RFXANK: variants seen among roughly 807,000 people sequenced by gnomAD.
The protein encoded by RFXANK is DNA-binding protein RFXANK.
Under a neutral mutation model 34.5 loss-of-function variants are expected in RFXANK, and 19 were observed. That is an observed-to-expected ratio of 0.55 (90% CI 0.38 to 0.81). The LOEUF is 0.81. Ranked by LOEUF, RFXANK falls within the 30% of genes least tolerant of loss-of-function variation. The pLI is 0.00. For missense variants in RFXANK, 295 were observed against 343.5 expected, an observed-to-expected ratio of 0.86 and a Z score of 1.12; for synonymous variants, 154 against 149.8, an observed-to-expected ratio of 1.03 and a Z score of -0.20.
rs553673273 is a variant in RFXANK, at chr19:19,196,101, T to C, written c.188-862T>C. Among the ~76,000 whole-genome samples, 176 of 152,278 alleles carry C rather than the reference T, an allele frequency of 1.2e-3. 1 individual carries two copies. The highest frequency in any genetic ancestry group is 3.4e-3 in the Middle Eastern group (1 of 294). On this transcript the variant is annotated intron_variant, in intron 3 of 9. Transcript: ENST00000303088. The stretch of plus-strand genomic sequence containing the variant: ...TTTTTTATTATTTCTCTATGTCTGA[T>C]GCACCTACTTGACCCCCGACTCCCT...
intron 3 of RFXANK, among the ~76,000 whole-genome samples, chr19:19,194,441 G>A (rs2060560808): frequency 1.3e-5 from 2 of 152,106 alleles, no homozygotes; most frequent in African/African-American, 2.4e-5. Context: ...TCACCATGTT[G>A]GCCAGGCTGG....
chr19:19,194,036 G>A lies in RFXANK; in HGVS notation c.90G>A (p.Glu30=). 6.2e-7 allele frequency: 1 copy of A among 1,614,210 alleles called. No individual in the cohort carries two copies. ...ELGDPEDPGE[E]AADGSDTVVL... ...GGGACCCTGAAGACCCCGGAGAGGA[G>A]GCTGCAGATGGCTCAGACACTGTGG... Residue 30 remains glutamate, a synonymous_variant, in exon 3 of 10, where the codon GAG becomes GAA. Coordinates refer to ENST00000303088, the MANE Select transcript of RFXANK (RefSeq NM_003721.4).
intron 3 of RFXANK, among the ~76,000 whole-genome samples, chr19:19,194,856 G>T (rs1377199750): frequency 6.6e-6 from 1 of 152,020 alleles, no homozygotes; most frequent in Non-Finnish European, 1.5e-5. Flanking sequence ...AAATTACTGG[G>T]TCAGATGGTC....
At chr19:19,201,524 C>G (rs1295535841) in intron 9 of RFXANK, 125 bp from the exon 10 acceptor site, 4 of 1,602,332 alleles carry the variant, frequency 2.5e-6, no homozygotes, top group Non-Finnish European at 3.4e-6. Flanking sequence ...CCCAGCTTTG[C>G]TCTGTAATGC....
intron 5 of RFXANK, 72 bp downstream of exon 5, chr19:19,197,323 T>A: frequency 6.7e-7 from 1 of 1,481,566 alleles, no homozygotes; most frequent in Non-Finnish European, 9.4e-7. Context: ...CCATACCCAC[T>A]CATGACGTGA....
chr19:19,195,000 T>C (rs1201703970), intron 3 of RFXANK, among the ~76,000 whole-genome samples: 2 of 151,938 alleles, frequency 1.3e-5, no homozygotes, highest in Non-Finnish European at 2.9e-5. Flanking sequence ...CTTCTTCCTA[T>C]AGCTGACTCC....
intron 9 of RFXANK, among the ~76,000 whole-genome samples, chr19:19,200,579 T>C (rs1314939427): frequency 6.6e-6 from 1 of 151,992 alleles, no homozygotes; most frequent in Admixed American, 6.6e-5. Context: ...CCTGAGTAGC[T>C]GGGACTACAG....
At chr19:19,198,813 C>G (rs1023542761) in intron 8 of RFXANK, 90 bp downstream of exon 8, 3 of 1,318,222 alleles carry the variant, frequency 2.3e-6, no homozygotes, top group Non-Finnish European at 3.3e-6. Flanking sequence ...CCAAGTGTTG[C>G]TTGAAGAGTT....
intron 9 of RFXANK, chr19:19,200,788 ATTTTTTTT>A (rs71170606): frequency 0.032 from 2,693 of 84,570 alleles, 165 homozygotes; most frequent in African/African-American, 0.14. Context: ...CACCTGGCTA[ATTTTTTTT>A]TTTTTTTTTT....
chr19:19,198,507 G>T, intron 7 of RFXANK, 150 bp from the exon 8 acceptor site: 1 of 1,016,190 alleles, frequency 9.8e-7, no homozygotes, highest in Non-Finnish European at 1.5e-6. Flanking sequence ...CTTCCTGGAG[G>T]AAGGTGTCTA....
rs1224863247 is a variant in RFXANK, at chr19:19,193,932, C to A, written c.-8-7C>A. The stretch of plus-strand genomic sequence containing the variant: ...TGTCATCTCTCCCCTTCTGACACCT[C>A]CGCCAGCTTTCCCCATGGAGCTTAC... On this transcript the variant is annotated splice_region_variant and splice_polypyrimidine_tract_variant and intron_variant, in intron 2 of 9. Transcript: ENST00000303088. The A allele has an allele frequency of 6.2e-7, 1 of 1,614,038 alleles. No individual in the cohort carries two copies. The highest frequency in any genetic ancestry group is 1.3e-5 in the African/African-American group (1 of 74,948).
At chr19:19,201,373 C>A in intron 9 of RFXANK, 1 of 1,155,784 alleles carries the variant, frequency 8.7e-7, no homozygotes, top group East Asian at 2.6e-5. Context: ...CCACCATGCC[C>A]AGGCTCATCT....
At position 19,194,141 on chromosome 19, in the gene RFXANK, A is replaced by T; in HGVS notation, c.187+8A>T. The T allele has an allele frequency of 6.2e-7, 1 of 1,613,808 alleles. No individual in the cohort carries two copies. Among genetic ancestry groups the T allele is most frequent in the Non-Finnish European group, 8.5e-7 (1 of 1,179,738 alleles). On this transcript the variant is annotated splice_region_variant and intron_variant, in intron 3 of 9. Transcript: ENST00000303088. ...GTGTTTCCTCTCCACAGGGTAGGAT[A>T]CCTCCTCTGGGATTAGCCCTCTGGG...
rs558532258 is a variant in RFXANK, at chr19:19,199,197, C to A, written c.675C>A (p.Thr225=). 9.9e-6 allele frequency: 16 copies of A among 1,614,008 alleles called. No individual in the cohort carries two copies. In the African/African-American group the frequency reaches 1.7e-4, roughly 17 times the overall value. The change falls in exon 9 of 10, where the codon ACC becomes ACA. Residue 225 remains threonine (T), a synonymous_variant. Coordinates refer to ENST00000303088, the MANE Select transcript of RFXANK (RefSeq NM_003721.4). ...DLTTEADSGY[T]PMDLAVALGY... is the part of the protein sequence containing the mutation. ...CCACCGAAGCCGACTCTGGCTACACCCCGATGGACCTTGCCGTGGCCCTGG... is the reference window on the plus strand; with the variant it reads ...CCACCGAAGCCGACTCTGGCTACACACCGATGGACCTTGCCGTGGCCCTGG...
chr19:19,198,948 T>G, intron 8 of RFXANK: 1 of 751,098 alleles, frequency 1.3e-6, no homozygotes, highest in Non-Finnish European at 2.3e-6. Context: ...ACCTCCATCC[T>G]CCATGGTTCA....
rs1449898018 is a variant in RFXANK, at chr19:19,193,493, AC to A, written c.-9+395del. ...CAGTGCAGTGGTGCGATCTCTGCTCACCGCAACCTCCACCTCCCGAGTTCAA... is the reference window on the plus strand; with the variant it reads ...CAGTGCAGTGGTGCGATCTCTGCTCACGCAACCTCCACCTCCCGAGTTCAA... On this transcript the variant is annotated intron_variant, in intron 2 of 9. Transcript: ENST00000303088. Among the ~76,000 whole-genome samples the A allele has an allele frequency of 3.0e-5, 4 of 133,834 alleles. No homozygotes were observed. The East Asian group carries it at 8.7e-4, about 29-fold the overall frequency. The allele number at this position is 133,834 out of a possible 152,430, so 87.8% of individuals were successfully genotyped here.
In RFXANK at chr19:19,197,552, C is replaced by G; in HGVS notation, c.369C>G (p.Arg123=). The change falls in exon 6 of 10, where the codon CGC becomes CGG. Residue 123 remains arginine, a synonymous_variant. Transcript: ENST00000303088. ...GDNLVNKPDE[R]GFTPLIWASA... is the part of the protein sequence containing the mutation. ...ACCTCGTCAACAAGCCAGACGAGCG[C>G]GGCTTCACCCCCCTCATCTGGGCCT... is the stretch of plus-strand genomic sequence containing the variant. The G allele has an allele frequency of 6.2e-7, 1 of 1,613,932 alleles. No homozygotes were observed. The highest frequency in any genetic ancestry group is 8.5e-7 in the Non-Finnish European group (1 of 1,180,018).
In RFXANK at chr19:19,197,501, T is replaced by G; in HGVS notation, c.338-20T>G. The stretch of plus-strand genomic sequence containing the variant: ...GGGCAGGGGTGCAGCCTGGTGGTAT[T>G]GCCCGCCTCCTCCTGCCAGGTGACA... On this transcript the variant is annotated intron_variant, in intron 5 of 9. Coordinates refer to ENST00000303088, the MANE Select transcript of RFXANK (RefSeq NM_003721.4). The G allele has an allele frequency of 6.2e-7, 1 of 1,611,888 alleles. No individual in the cohort carries two copies. The highest frequency in any genetic ancestry group is 8.5e-7 in the Non-Finnish European group (1 of 1,179,026).
At chr19:19,197,467 G>A in intron 5 of RFXANK, 54 bp from the exon 6 acceptor site, 5 of 1,569,288 alleles carry the variant, frequency 3.2e-6, no homozygotes, top group Non-Finnish European at 4.4e-6. Context: ...TGGCAGCACT[G>A]GGGATAGGGG....
Sources: allele counts gnomAD v4.1 joint callset (sites outside exome capture counted in the v4.1 genomes callset), GRCh38; gene constraint gnomAD v4.1.1; transcripts MANE v1.5; gene names NCBI Gene and HGNC (gene_info 2026-07-23, HGNC 2026-07-21).